SMURF2: variants seen among roughly 807,000 people sequenced by gnomAD.
SMURF2 encodes the protein E3 ubiquitin-protein ligase SMURF2.
In SMURF2, 48 loss-of-function variants were observed where a neutral mutation model predicts 109.6. The ratio of observed to expected loss-of-function variants is 0.44; its 90% CI spans 0.35 to 0.56. The LOEUF (loss-of-function observed/expected upper bound fraction) is 0.56. Among genes scored for constraint, SMURF2 ranks in the 20% least tolerant of loss-of-function variants. The probability of loss-of-function intolerance (pLI) is 0.01; values close to 1 mark genes in which losing one functional copy is unlikely to be tolerated. For missense variants in SMURF2, 575 were observed against 909.0 expected, an observed-to-expected ratio of 0.63 and a Z score of 4.72; for synonymous variants, 288 against 317.1, an observed-to-expected ratio of 0.91 and a Z score of 0.97.
chr17:64,613,673 A>AGT (rs61060865), intron 1 of SMURF2, among the ~76,000 whole-genome samples: 317 of 20,756 alleles, frequency 0.015, 30 homozygotes, highest in Admixed American at 0.021. Context: ...TCCACGGACC[A>AGT]GTGTGTGTGT....
chr17:64,569,282 C>T lies in SMURF2; in HGVS notation c.1016+2516G>A, dbSNP rs113485042. Among the ~76,000 whole-genome samples, 456 of 149,798 alleles carry T rather than the reference C, an allele frequency of 3.0e-3. 1 individual carries two copies. The highest frequency in any genetic ancestry group is 0.011 in the African/African-American group (437 of 40,702). On this transcript the variant is annotated intron_variant, in intron 10 of 18. Coordinates refer to ENST00000262435, the MANE Select transcript of SMURF2 (RefSeq NM_022739.4). Reference sequence around the variant, plus strand: ...CGCCATTGTACTCCAGCCTGGGTGACAACAGGGAAACTCCATCTAAAAAAA... The same window carrying T: ...CGCCATTGTACTCCAGCCTGGGTGATAACAGGGAAACTCCATCTAAAAAAA...
intron 1 of SMURF2, among the ~76,000 whole-genome samples, chr17:64,624,781 A>T (rs1251829520): frequency 6.6e-6 from 1 of 151,796 alleles, no homozygotes; most frequent in Non-Finnish European, 1.5e-5. Flanking sequence ...CTGTGTGTTC[A>T]TGCCACTGCA....
chr17:64,610,598 G>A lies in SMURF2; in HGVS notation c.53-3958C>T, dbSNP rs543259026. On this transcript the variant is annotated intron_variant, in intron 1 of 18. Coordinates refer to ENST00000262435, the MANE Select transcript of SMURF2 (RefSeq NM_022739.4). ...CATGGAGGGGAACATCACACACTGG[G>A]GCCTGTTGGCGGGTTGGGGGTTAGG... is the stretch of plus-strand genomic sequence containing the variant. Among the ~76,000 whole-genome samples the A allele has an allele frequency of 2.6e-5, 4 of 152,176 alleles. No individual in the cohort carries two copies. The Middle Eastern group carries it at 0.01, about 388-fold the overall frequency.
chr17:64,602,333 A>C (rs1489054573), intron 2 of SMURF2, among the ~76,000 whole-genome samples: 1 of 152,162 alleles, frequency 6.6e-6, no homozygotes. Context: ...AAATAAAAAA[A>C]TAAAATAATA....
intron 1 of SMURF2, among the ~76,000 whole-genome samples, chr17:64,648,218 T>C (rs1292562243): frequency 6.6e-6 from 1 of 152,148 alleles, no homozygotes; most frequent in Non-Finnish European, 1.5e-5. Flanking sequence ...TTTTCTTAGA[T>C]GATAATCCAG....
chr17:64,596,568 C>T (rs550274922), intron 3 of SMURF2, among the ~76,000 whole-genome samples: 7 of 111,088 alleles, frequency 6.3e-5, no homozygotes, highest in Admixed American at 4.6e-4. Flanking sequence ...TAAAGTTCAC[C>T]GAAACAGGAG....
chr17:64,649,454 T>C (rs1289036602), intron 1 of SMURF2, among the ~76,000 whole-genome samples: 6 of 152,152 alleles, frequency 3.9e-5, no homozygotes, highest in South Asian at 2.1e-4. Context: ...TTACCAAACA[T>C]TGGGGGATGG....
At chr17:64,549,362 T>C (rs898504159) in intron 16 of SMURF2, among the ~76,000 whole-genome samples, 44 of 146,882 alleles carry the variant, frequency 3.0e-4, no homozygotes, top group Non-Finnish European at 3.3e-4. Flanking sequence ...GGTAGGAGGA[T>C]CACTTCAGCA....
chr17:64,592,290 T>C (rs1376036530), intron 4 of SMURF2, among the ~76,000 whole-genome samples: 2 of 152,232 alleles, frequency 1.3e-5, no homozygotes, highest in Non-Finnish European at 2.9e-5. Context: ...ATTTGACCTA[T>C]AAGTTTTCAG....
chr17:64,593,345 C>T (rs576200091), intron 4 of SMURF2, 95 bp downstream of exon 4: 6 of 1,038,454 alleles, frequency 5.8e-6, no homozygotes, highest in East Asian at 2.9e-5. Flanking sequence ...TTTGAGGATA[C>T]ATATATAGTG....
intron 4 of SMURF2, among the ~76,000 whole-genome samples, chr17:64,592,030 A>AT (rs1265472199): frequency 6.6e-6 from 1 of 152,204 alleles, no homozygotes; most frequent in Non-Finnish European, 1.5e-5. Flanking sequence ...AAATACAGAC[A>AT]TTTTTCCCTT....
intron 9 of SMURF2, among the ~76,000 whole-genome samples, chr17:64,576,136 C>A (rs1315254024): frequency 6.6e-5 from 10 of 151,786 alleles, no homozygotes; most frequent in Admixed American, 6.6e-4. Flanking sequence ...ACCCAGGAGG[C>A]AGAGGTTGTA....
At chr17:64,619,486 AAAAAAAAAAAAAAAAAAG>A (rs1330630310) in intron 1 of SMURF2, among the ~76,000 whole-genome samples, 163 of 151,074 alleles carry the variant, frequency 1.1e-3, no homozygotes, top group African/African-American at 3.8e-3. Flanking sequence ...CTCAAAAAAA[AAAAAAAAAAAAAAAAAAG>A]AAGAAGAATA....
intron 1 of SMURF2, among the ~76,000 whole-genome samples, chr17:64,660,504 T>C (rs992472407): frequency 6.6e-6 from 1 of 152,192 alleles, no homozygotes; most frequent in African/African-American, 2.4e-5. Flanking sequence ...GCCATGAAAG[T>C]AATATATTAT....
chr17:64,643,892 T>C (rs1269625935), intron 1 of SMURF2, among the ~76,000 whole-genome samples: 4 of 151,730 alleles, frequency 2.6e-5, no homozygotes, highest in Non-Finnish European at 5.9e-5. Flanking sequence ...AGTGGTGTGA[T>C]CTCGGCTCAC....
chr17:64,636,098 T>G (rs1341597267), intron 1 of SMURF2, among the ~76,000 whole-genome samples: 2 of 152,206 alleles, frequency 1.3e-5, no homozygotes, highest in African/African-American at 4.8e-5. Flanking sequence ...ATGTGCTTTT[T>G]GGCCACTGAT....
chr17:64,574,006 T>G (rs567873016), intron 9 of SMURF2, among the ~76,000 whole-genome samples: 136 of 152,148 alleles, frequency 8.9e-4, no homozygotes, highest in Non-Finnish European at 1.6e-3. Context: ...AGGGAGAGGA[T>G]CAGCAAAAAT....
At chr17:64,658,409 G>A (rs947682129) in intron 1 of SMURF2, among the ~76,000 whole-genome samples, 2 of 152,142 alleles carry the variant, frequency 1.3e-5, no homozygotes, top group Non-Finnish European at 2.9e-5. Flanking sequence ...CTGTGAAATA[G>A]AATTAAGCTA....
At chr17:64,628,742 G>A (rs1481790462) in intron 1 of SMURF2, among the ~76,000 whole-genome samples, 2 of 152,146 alleles carry the variant, frequency 1.3e-5, no homozygotes, top group African/African-American at 2.4e-5. Context: ...GGTAAAGAAA[G>A]GGCAGCTCTT....
Sources: allele counts gnomAD v4.1 joint callset (sites outside exome capture counted in the v4.1 genomes callset), GRCh38; gene constraint gnomAD v4.1.1; transcripts MANE v1.5; gene names NCBI Gene and HGNC (gene_info 2026-07-23, HGNC 2026-07-21).